Variants in IL1R1 observed in about 807,000 individuals in gnomAD.
IL1R1 encodes interleukin 1 receptor type 1.
IL1R1 carries 22 observed loss-of-function variants against 50.2 expected under a neutral mutation model. The ratio of observed to expected loss-of-function variants is 0.44; its 90% CI spans 0.31 to 0.63. IL1R1 has a LOEUF of 0.63. IL1R1 is among the 20% of genes least tolerant of loss of function. IL1R1 has a pLI of 0.07. For missense variants in IL1R1, 509 were observed against 676.2 expected, an observed-to-expected ratio of 0.75 and a Z score of 2.74; for synonymous variants, 251 against 236.7, an observed-to-expected ratio of 1.06 and a Z score of -0.55.
At chr2:102,119,708 CATG>C (rs1681299548) in intron 1 of IL1R1, among the ~76,000 whole-genome samples, 1 of 146,374 alleles carries the variant, frequency 6.8e-6, no homozygotes, top group Non-Finnish European at 1.5e-5. Context: ...AGGTATACAA[CATG>C]AGGATTTGTT....
chr2:102,121,638 T>A (rs774216820), intron 1 of IL1R1, among the ~76,000 whole-genome samples: 12 of 152,180 alleles, frequency 7.9e-5, no homozygotes, highest in Non-Finnish European at 1.6e-4. Context: ...CCAGTCTTCC[T>A]CCATGACTCT....
intron 7 of IL1R1, among the ~76,000 whole-genome samples, chr2:102,170,922 G>C (rs1685614035): frequency 6.6e-6 from 1 of 152,154 alleles, no homozygotes; most frequent in Admixed American, 6.5e-5. Flanking sequence ...TTAGCTGGGT[G>C]TGGTGGTGCA....
chr2:102,118,745 T>C (rs1057377194), intron 1 of IL1R1, among the ~76,000 whole-genome samples: 3 of 152,006 alleles, frequency 2.0e-5, no homozygotes, highest in Non-Finnish European at 2.9e-5. Context: ...GGGCCGGGTG[T>C]GGTGGCTCAC....
At chr2:102,157,963 T>C (rs190808393) in intron 3 of IL1R1, among the ~76,000 whole-genome samples, 178 bp downstream of exon 3, 1 of 152,328 alleles carries the variant, frequency 6.6e-6, no homozygotes. Flanking sequence ...CTTCGTCTCA[T>C]TCTCTCCCAT....
chr2:102,100,607 C>T (rs1680099158), upstream of IL1R1, among the ~76,000 whole-genome samples: 1 of 152,220 alleles, frequency 6.6e-6, no homozygotes, highest in African/African-American at 2.4e-5. Context: ...CAAAAGATTG[C>T]ATGAGCTTCA....
At chr2:102,109,782 A>G (rs1233139518) in intron 1 of IL1R1, among the ~76,000 whole-genome samples, 1 of 152,048 alleles carries the variant, frequency 6.6e-6, no homozygotes, top group Non-Finnish European at 1.5e-5. Flanking sequence ...ATTTCCTTAT[A>G]TTTCCTCTCT....
chr2:102,121,385 C>T (rs1681398379), intron 1 of IL1R1, among the ~76,000 whole-genome samples: 1 of 152,220 alleles, frequency 6.6e-6, no homozygotes, highest in Non-Finnish European at 1.5e-5. Context: ...GCTGTGGAGC[C>T]ACGTGTCACT....
chr2:102,102,920 C>T (rs1270402271), upstream of IL1R1, among the ~76,000 whole-genome samples: 1 of 152,064 alleles, frequency 6.6e-6, no homozygotes, highest in South Asian at 2.1e-4. Context: ...ACTGCATGGT[C>T]TCACTTATAA....
intron 7 of IL1R1, among the ~76,000 whole-genome samples, chr2:102,171,308 A>T (rs1418976319): frequency 6.6e-6 from 1 of 152,184 alleles, no homozygotes; most frequent in Non-Finnish European, 1.5e-5. Flanking sequence ...ACACAGCCTC[A>T]CTAAAGAGAG....
At chr2:102,127,031 C>T (rs1216282242) in intron 1 of IL1R1, among the ~76,000 whole-genome samples, 1 of 152,194 alleles carries the variant, frequency 6.6e-6, no homozygotes, top group African/African-American at 2.4e-5. Flanking sequence ...CTCTTGTGAA[C>T]CCTTGGGTGT....
intron 5 of IL1R1, among the ~76,000 whole-genome samples, chr2:102,165,506 T>A (rs1379438917): frequency 6.6e-6 from 1 of 152,240 alleles, no homozygotes; most frequent in Non-Finnish European, 1.5e-5. Context: ...TGCTGTTGTT[T>A]TTATTTAATT....
At chr2:102,078,786 T>C (rs1267084801) in intron 1 of IL1R1, among the ~76,000 whole-genome samples, 1 of 152,026 alleles carries the variant, frequency 6.6e-6, no homozygotes, top group Non-Finnish European at 1.5e-5. Flanking sequence ...GAAAACATCA[T>C]ATGAAAAGTA....
chr2:102,139,480 G>T (rs1195769413), upstream of IL1R1, among the ~76,000 whole-genome samples: 1 of 152,204 alleles, frequency 6.6e-6, no homozygotes, highest in Non-Finnish European at 1.5e-5. Context: ...AACCTCTTCA[G>T]TCAGGAGGAG....
chr2:102,140,621 T>C (rs890980672), upstream of IL1R1, among the ~76,000 whole-genome samples: 2 of 152,206 alleles, frequency 1.3e-5, no homozygotes, highest in African/African-American at 2.4e-5. Context: ...CAGAGCATTT[T>C]TGTGGTGCTG....
intron 3 of IL1R1, 21 bp downstream of exon 3, chr2:102,157,806 T>A (rs199812374): frequency 6.7e-7 from 1 of 1,490,876 alleles, no homozygotes; most frequent in African/African-American, 1.4e-5. Flanking sequence ...TATTTCTTTG[T>A]GTTCTTGTCT....
At chr2:102,071,754 T>A (rs1352539252) in intron 1 of IL1R1, among the ~76,000 whole-genome samples, 1 of 152,158 alleles carries the variant, frequency 6.6e-6, no homozygotes, top group Admixed American at 6.5e-5. Flanking sequence ...TTACAACCTC[T>A]TGTGAGGGAA....
chr2:102,110,456 A>C (rs1427536427), intron 1 of IL1R1, among the ~76,000 whole-genome samples: 1 of 125,128 alleles, frequency 8.0e-6, no homozygotes, highest in Admixed American at 9.8e-5. Context: ...GGTCATACCA[A>C]TTAACACCCC....
chr2:102,111,260 C>G (rs565669257), intron 1 of IL1R1, among the ~76,000 whole-genome samples: 6 of 152,166 alleles, frequency 3.9e-5, no homozygotes, highest in African/African-American at 1.2e-4. Flanking sequence ...TGAATAACAC[C>G]AGGGAGGCAT....
intron 1 of IL1R1, among the ~76,000 whole-genome samples, chr2:102,128,059 G>A (rs1015613155): frequency 6.6e-6 from 1 of 152,132 alleles, no homozygotes; most frequent in Non-Finnish European, 1.5e-5. Context: ...CAGAGATCAA[G>A]TTATCTATGC....
Sources: gnomAD v4.1 joint callset for allele counts (sites outside exome capture counted in the v4.1 genomes callset) on GRCh38, gnomAD v4.1.1 for gene constraint, MANE v1.5 for transcripts, NCBI Gene and HGNC (gene_info 2026-07-23, HGNC 2026-07-21) for gene names.